HLF: variants seen among roughly 807,000 people sequenced by gnomAD.
HLF encodes HLF transcription factor, PAR bZIP family member.
Under a neutral mutation model 22.6 loss-of-function variants are expected in HLF, and 3 were observed. The observed-to-expected ratio is 0.13, with a 90% CI of 0.06 to 0.34. The LOEUF (loss-of-function observed/expected upper bound fraction) is 0.34, where lower values mean the gene tolerates loss of function less well. Ranked by LOEUF, HLF falls within the 10% of genes least tolerant of loss-of-function variation. The probability of loss-of-function intolerance (pLI) is 1.00; values close to 1 mark genes in which losing one functional copy is unlikely to be tolerated. For synonymous variants in HLF, 151 were observed against 151.8 expected (o/e 0.99, Z 0.04); for missense variants, 299 against 389.2 (o/e 0.77, Z 1.95).
intron 2 of HLF, among the ~76,000 whole-genome samples, chr17:55,303,532 A>AT (rs1406722103): frequency 6.6e-6 from 1 of 152,214 alleles, no homozygotes; most frequent in East Asian, 1.9e-4. Flanking sequence ...AGAAGCCAGT[A>AT]TTATGGCACT....
intron 3 of HLF, among the ~76,000 whole-genome samples, chr17:55,319,492 C>T (rs1283548599): frequency 6.6e-6 from 1 of 151,300 alleles, no homozygotes; most frequent in Non-Finnish European, 1.5e-5. Flanking sequence ...TTGGGAAGAT[C>T]TAAAAGAAGA....
At chr17:55,303,056 G>A (rs937062023) in intron 2 of HLF, among the ~76,000 whole-genome samples, 1 of 152,202 alleles carries the variant, frequency 6.6e-6, no homozygotes, top group Admixed American at 6.5e-5. Context: ...GTTGACAAAA[G>A]CAGAAGTCCC....
At chr17:55,319,975 G>A (rs980910154) in intron 3 of HLF, among the ~76,000 whole-genome samples, 19 of 152,110 alleles carry the variant, frequency 1.2e-4, no homozygotes, top group African/African-American at 4.3e-4. Context: ...CCCACATAGT[G>A]GCATATCATA....
chr17:55,322,380 T>C lies in HLF; in HGVS notation c.*1501T>C, dbSNP rs1319834454. On this transcript the variant is annotated 3_prime_UTR_variant, in exon 4 of 4. Coordinates refer to ENST00000226067, the MANE Select transcript of HLF (RefSeq NM_002126.5). ...CTGACAATGTATTTTGGAAGACATA[T>C]ATTATATATAGAAAAGAGGAGAGGA... The C allele has an allele frequency of 5.2e-6, 1 of 191,966 alleles. No individual in the cohort carries two copies. 11.9% of individuals were successfully genotyped at this position (191,966 alleles called of 1,614,324 possible).
chr17:55,277,649 T>A lies in HLF; in HGVS notation c.451+9563T>A, dbSNP rs565686384. Reference sequence around the variant, plus strand: ...TTGGGGGGGGTTGGACTGCTGAATGTCAAGTGCATGAAATGACTTGCTCAA... The same window carrying A: ...TTGGGGGGGGTTGGACTGCTGAATGACAAGTGCATGAAATGACTTGCTCAA... On this transcript the variant is annotated intron_variant, in intron 2 of 3. Transcript: ENST00000226067. Among the ~76,000 whole-genome samples the A allele has an allele frequency of 2.6e-5, 4 of 152,172 alleles. No homozygotes were observed. The South Asian group carries it at 8.3e-4, about 32-fold the overall frequency.
chr17:55,299,980 A>C (rs949270435), intron 2 of HLF, among the ~76,000 whole-genome samples: 1 of 152,096 alleles, frequency 6.6e-6, no homozygotes, highest in Non-Finnish European at 1.5e-5. Context: ...CTACGGACAC[A>C]TGCCACCACC....
chr17:55,271,025 G>A (rs532682924), intron 2 of HLF, among the ~76,000 whole-genome samples: 9 of 152,268 alleles, frequency 5.9e-5, no homozygotes, highest in African/African-American at 2.2e-4. Context: ...AGGACCCCCA[G>A]TGCCCCAGAT....
chr17:55,270,592 G>A (rs4794558), intron 2 of HLF, among the ~76,000 whole-genome samples: 47,412 of 151,528 alleles, frequency 0.31, 7,878 homozygotes, highest in Admixed American at 0.41. Flanking sequence ...CATTCTGGGA[G>A]CTGTATAATT....
chr17:55,265,309 AT>A lies in HLF; in HGVS notation c.-171del, dbSNP rs2080776946. 1.9e-6 allele frequency: 1 copy of A among 524,174 alleles called. No individual in the cohort carries two copies. The highest frequency in any genetic ancestry group is 3.3e-6 in the Non-Finnish European group (1 of 301,250). 32.5% of individuals were successfully genotyped at this position (524,174 alleles called of 1,614,324 possible). ...ACCCGAAAGTTTTTTTTTAATATAT[AT>A]TTTTATGCAGATGTATTTATAAAGA... is the stretch of plus-strand genomic sequence containing the variant. On this transcript the variant is annotated 5_prime_UTR_variant, in exon 1 of 4. Transcript: ENST00000226067.
chr17:55,320,696 C>G lies in HLF; in HGVS notation c.705C>G (p.Asn235Lys). The part of the protein sequence containing the change: ...DDKYWARRRK[N>K]NMAAKRSRDA... ...AGTACTGGGCAAGGCGCAGAAAGAACAACATGGCAGCCAAGCGCTCCCGCG... is the reference window on the plus strand; with the variant it reads ...AGTACTGGGCAAGGCGCAGAAAGAAGAACATGGCAGCCAAGCGCTCCCGCG... Residue 235 changes from asparagine (N) to lysine (K), a missense_variant, in exon 4 of 4, where the codon AAC becomes AAG. Transcript: ENST00000226067. This position sits in a 1 kb window ranked among gnomAD's most constrained non-coding sequence, Gnocchi z 4.2. 6.2e-7 allele frequency: 1 copy of G among 1,614,184 alleles called. No homozygotes were observed. The highest frequency in any genetic ancestry group is 8.5e-7 in the Non-Finnish European group (1 of 1,180,020).
rs184691630 is a variant in HLF at position 55,319,860 on chromosome 17, A to G, written c.673-804A>G. ...TCCCCCTTCTAGAGGCTCCACCTTT[A>G]TAGATTAGTATAAATCTTTTTGCGC... On this transcript the variant is annotated intron_variant, in intron 3 of 3. Coordinates refer to ENST00000226067, the MANE Select transcript of HLF (RefSeq NM_002126.5). Among the ~76,000 whole-genome samples, 4 of 152,296 alleles carry G rather than the reference A, an allele frequency of 2.6e-5. No homozygotes were observed. The East Asian group carries it at 5.8e-4, about 22-fold the overall frequency.
intron 2 of HLF, among the ~76,000 whole-genome samples, chr17:55,306,273 A>C (rs1044206705): frequency 1.2e-4 from 18 of 152,222 alleles, no homozygotes; most frequent in Admixed American, 2.0e-4. Context: ...CCCGTCTACC[A>C]GCCTACAGGA....
At chr17:55,279,123 G>A (rs543690679) in intron 2 of HLF, among the ~76,000 whole-genome samples, 1 of 152,028 alleles carries the variant, frequency 6.6e-6, no homozygotes, top group African/African-American at 2.4e-5. Flanking sequence ...ATTTCAAATG[G>A]GCAGTGACAA....
At chr17:55,296,189 A>T (rs11079159) in intron 2 of HLF, among the ~76,000 whole-genome samples, 37,333 of 152,024 alleles carry the variant, frequency 0.25, 4,793 homozygotes, top group East Asian at 0.35. Context: ...GTTTCCTTAC[A>T]AGGTAGGGTT....
chr17:55,321,245 T>C lies in HLF; in HGVS notation c.*366T>C, dbSNP rs1469210094. 2 of 281,658 alleles carry C rather than the reference T, an allele frequency of 7.1e-6. No homozygotes were observed. Among genetic ancestry groups the C allele is most frequent in the Non-Finnish European group, 1.4e-5 (2 of 146,890 alleles). 17.4% of individuals were successfully genotyped at this position (281,658 alleles called of 1,614,324 possible). A position where few individuals can be genotyped will look rare whatever the true frequency, so the allele number is the denominator to read the frequency against. ...CTCAGCTTTGCTTCATGTTCGAGCTTACCTACTCTTCCAGGACTCTCTGCT... is the reference window on the plus strand; with the variant it reads ...CTCAGCTTTGCTTCATGTTCGAGCTCACCTACTCTTCCAGGACTCTCTGCT... On this transcript the variant is annotated 3_prime_UTR_variant, in exon 4 of 4. Transcript: ENST00000226067.
At position 55,320,854 on chromosome 17, in the gene HLF, A is replaced by G; in HGVS notation, c.863A>G (p.Tyr288Cys). ...LGKCKNILAK[Y>C]EARHGPL Reference sequence around the variant, plus strand: ...AAATGCAAGAACATACTTGCCAAGTATGAGGCCAGGCACGGGCCCCTGTAG... The same window carrying G: ...AAATGCAAGAACATACTTGCCAAGTGTGAGGCCAGGCACGGGCCCCTGTAG... The change falls in exon 4 of 4, where the codon TAT becomes TGT. Residue 288 changes from tyrosine to cysteine, a missense_variant. By Grantham distance (194) the Tyr-to-Cys change is radical. This residue lies in a region of HLF where 224 missense variants were observed against 298.1 expected (regional missense o/e 0.75). Coordinates refer to ENST00000226067, the MANE Select transcript of HLF (RefSeq NM_002126.5). The surrounding 1 kb of genome is among the most constrained non-coding windows in gnomAD (Gnocchi z 4.2). The G allele has an allele frequency of 2.5e-6, 4 of 1,613,160 alleles. No homozygotes were observed. The highest frequency in any genetic ancestry group is 3.4e-6 in the Non-Finnish European group (4 of 1,179,788).
rs141296526 is a variant in HLF, at chr17:55,281,266, C to A, written c.451+13180C>A. 1.3e-4 allele frequency among the ~76,000 whole-genome samples: 20 copies of A among 152,288 alleles called. No homozygotes were observed. In the East Asian group the frequency reaches 3.9e-3, roughly 29 times the overall value. On this transcript the variant is annotated intron_variant, in intron 2 of 3. Transcript: ENST00000226067. ...CAGTGGCTCATGCCTGTAATCCCAG[C>A]ATTTTGGGAGGCTGAGGAGGGTGGA...
In HLF at chr17:55,265,032, G is replaced by T. The variant is rs565699885; in HGVS notation, c.-453G>T. 61 of 172,566 alleles carry T rather than the reference G, an allele frequency of 3.5e-4. 2 individuals carry two copies. In the East Asian group the frequency reaches 6.1e-3, roughly 17 times the overall value. 10.7% of individuals were successfully genotyped at this position (172,566 alleles called of 1,614,324 possible). ...GGCGCTGCGGGGCCGCGGAGCGCTG[G>T]GGAGCAGCGGCCGCCGGCGCGGGGA... On this transcript the variant is annotated 5_prime_UTR_variant, in exon 1 of 4. Coordinates refer to ENST00000226067, the MANE Select transcript of HLF (RefSeq NM_002126.5).
intron 2 of HLF, among the ~76,000 whole-genome samples, chr17:55,277,249 G>A (rs1052182102): frequency 2.1e-5 from 3 of 141,500 alleles, no homozygotes; most frequent in East Asian, 2.3e-4. Flanking sequence ...GTATGTGTGT[G>A]TGTGTGTGTG....
Sources: allele counts gnomAD v4.1 joint callset (sites outside exome capture counted in the v4.1 genomes callset), GRCh38; gene constraint gnomAD v4.1.1; regional missense constraint gnomAD v4.1.1; non-coding constraint Gnocchi (gnomAD v3.1); transcripts MANE v1.5; gene names NCBI Gene and HGNC (gene_info 2026-07-23, HGNC 2026-07-21).